Variants in CAD observed in about 807,000 individuals in gnomAD.
The protein encoded by CAD is carbamoyl-phosphate synthetase 2, aspartate transcarbamylase, and dihydroorotase.
Under a neutral mutation model 237.2 loss-of-function variants are expected in CAD, and 81 were observed. That is an observed-to-expected ratio of 0.34 (90% CI 0.29 to 0.41). CAD has a LOEUF of 0.41. Ranked by LOEUF, CAD falls within the 10% of genes least tolerant of loss-of-function variation. The pLI is 1.00. For synonymous variants in CAD, 1,196 were observed against 1,162.8 expected (o/e 1.03, Z -0.58); for missense variants, 2,181 against 2,951.7 (o/e 0.74, Z 6.05).
chr2:27,233,821 A>G lies in CAD; in HGVS notation c.3399+13A>G, dbSNP rs373951660. ...CCAGGAGGCTAAGGTGGGAGGCTGCAGACAGTGAAGTCTCTGAGGGCATGC... is the reference window on the plus strand; with the variant it reads ...CCAGGAGGCTAAGGTGGGAGGCTGCGGACAGTGAAGTCTCTGAGGGCATGC... On this transcript the variant is annotated intron_variant, in intron 21 of 43. Transcript: ENST00000264705. This position sits in a 1 kb window ranked among gnomAD's most constrained non-coding sequence, Gnocchi z 6.3. 1 of 1,612,750 alleles carries G rather than the reference A, an allele frequency of 6.2e-7. No homozygotes were observed. Among genetic ancestry groups the G allele is most frequent in the African/African-American group, 1.3e-5 (1 of 74,892 alleles).
chr2:27,242,299 C>T lies in CAD; in HGVS notation c.6097-3C>T. 6.2e-7 allele frequency: 1 copy of T among 1,602,214 alleles called. No individual in the cohort carries two copies. The highest frequency in any genetic ancestry group is 8.5e-7 in the Non-Finnish European group (1 of 1,172,766). On this transcript the variant is annotated splice_polypyrimidine_tract_variant and splice_region_variant and intron_variant, in intron 39 of 43. Transcript: ENST00000264705. The surrounding 1 kb of genome is among the most constrained non-coding windows in gnomAD (Gnocchi z 6.4). ...AAAGACAGGATTTTCCCCTTTTTTC[C>T]AGCTGGCCGCCAAGCACTGCCGGAG... is the stretch of plus-strand genomic sequence containing the variant.
Position 27,222,978 on chromosome 2 carries a change from G to T in CAD, c.750G>T (p.Gly250=), listed in dbSNP as rs1256726805. Reference sequence around the variant, plus strand: ...AGCCTAATCCCCGACCTGTCTTTGGGATCTGCCTGGGACACCAGCTATTGG... The same window carrying T: ...AGCCTAATCCCCGACCTGTCTTTGGTATCTGCCTGGGACACCAGCTATTGG... The part of the protein sequence containing the change: ...LSEPNPRPVF[G]ICLGHQLLAL... The change falls in exon 6 of 44, where the codon GGG becomes GGT. Residue 250 remains glycine (G), a synonymous_variant. Transcript: ENST00000264705. 1 of 1,614,024 alleles carries T rather than the reference G, an allele frequency of 6.2e-7. No homozygotes were observed. The highest frequency in any genetic ancestry group is 1.3e-5 in the African/African-American group (1 of 74,884).
rs1355752450 is a variant in CAD at position 27,237,897 on chromosome 2, T to C, written c.4728+15T>C. ...AGTGGATGGAGGTAGGGAGTGTGCA[T>C]GTGGCAGGAGGCCACCACCCAGTGT... On this transcript the variant is annotated intron_variant, in intron 29 of 43. Coordinates refer to ENST00000264705, the MANE Select transcript of CAD (RefSeq NM_004341.5). This position sits in a 1 kb window ranked among gnomAD's most constrained non-coding sequence, Gnocchi z 4.0. 2 of 1,594,586 alleles carry C rather than the reference T, an allele frequency of 1.3e-6. No homozygotes were observed. The highest frequency in any genetic ancestry group is 1.7e-6 in the Non-Finnish European group (2 of 1,167,724).
Position 27,241,984 on chromosome 2 carries a change from G to T in CAD, c.5957G>T (p.Arg1986Leu). The T allele has an allele frequency of 6.2e-7, 1 of 1,613,462 alleles. No homozygotes were observed. The highest frequency in any genetic ancestry group is 8.5e-7 in the Non-Finnish European group (1 of 1,180,026). ...TSSSFAAAMA[R>L]LGGAVLSFSE... ...AGCTCCTTTGCAGCAGCCATGGCCC[G>T]GCTGGGAGGTGCTGTGCTCAGCTTC... Residue 1986 changes from arginine (R) to leucine (L), a missense_variant, in exon 39 of 44, where the codon CGG becomes CTG. Physicochemically the swap from Arg to Leu is moderately radical, Grantham distance 102 (BLOSUM62 -2). Coordinates refer to ENST00000264705, the MANE Select transcript of CAD (RefSeq NM_004341.5). This position sits in a 1 kb window ranked among gnomAD's most constrained non-coding sequence, Gnocchi z 4.6.
Position 27,235,134 on chromosome 2 carries a change from T to C in CAD, c.3787-111T>C. On this transcript the variant is annotated intron_variant, in intron 23 of 43. Coordinates refer to ENST00000264705, the MANE Select transcript of CAD (RefSeq NM_004341.5). The surrounding 1 kb of genome is among the most constrained non-coding windows in gnomAD (Gnocchi z 5.2). ...AGGAGGGCACACAGAGAGGGCAGGC[T>C]GACCCTGCCATTCAGATGGGATCAA... The C allele has an allele frequency of 1.0e-6, 1 of 1,004,824 alleles. No homozygotes were observed. The highest frequency in any genetic ancestry group is 1.6e-5 in the African/African-American group (1 of 61,696). 62.2% of individuals were successfully genotyped at this position (1,004,824 alleles called of 1,614,324 possible).
chr2:27,218,974 A>G (rs1267045769), intron 2 of CAD, among the ~76,000 whole-genome samples: 1 of 152,200 alleles, frequency 6.6e-6, no homozygotes, highest in Non-Finnish European at 1.5e-5. Context: ...TCACAAACCT[A>G]CAAATACACT....
chr2:27,222,359 T>A, intron 4 of CAD, 23 bp downstream of exon 4: 1 of 1,598,738 alleles, frequency 6.3e-7, no homozygotes, highest in Non-Finnish European at 8.6e-7. Flanking sequence ...AGTGGGAGAG[T>A]GTTGCAAGCT....
Position 27,221,201 on chromosome 2 carries a change from T to C in CAD, c.223-17T>C. The C allele has an allele frequency of 6.7e-7, 1 of 1,486,606 alleles. No homozygotes were observed. The highest frequency in any genetic ancestry group is 9.0e-7 in the Non-Finnish European group (1 of 1,108,364). 92.1% of individuals were successfully genotyped at this position (1,486,606 alleles called of 1,614,324 possible). ...TAACTTGGCCTGAGGCTTCTCACAATCTCTTTCCATCTACAGTGGTTTGAA... is the reference window on the plus strand; with the variant it reads ...TAACTTGGCCTGAGGCTTCTCACAACCTCTTTCCATCTACAGTGGTTTGAA... On this transcript the variant is annotated splice_polypyrimidine_tract_variant and intron_variant, in intron 2 of 43. Transcript: ENST00000264705.
chr2:27,220,393 A>G (rs2148055662), intron 2 of CAD, among the ~76,000 whole-genome samples: 1 of 152,218 alleles, frequency 6.6e-6, no homozygotes. Context: ...CATGACTTGT[A>G]ATCCCAGCAC....
chr2:27,238,252 G>A (rs909925655), intron 30 of CAD, 65 bp downstream of exon 30: 1 of 1,576,898 alleles, frequency 6.3e-7, no homozygotes, highest in Non-Finnish European at 8.6e-7. Flanking sequence ...GGTCAGGGTA[G>A]TCCTTAGGGG....
intron 15 of CAD, among the ~76,000 whole-genome samples, chr2:27,227,220 C>T (rs1336474917): frequency 6.6e-6 from 1 of 152,130 alleles, no homozygotes; most frequent in Non-Finnish European, 1.5e-5. Flanking sequence ...GCACTTTGTG[C>T]TTTGGTCACT....
Position 27,217,952 on chromosome 2 carries a change from C to T in CAD, c.158C>T (p.Thr53Ile), listed in dbSNP as rs1296331323. 5 of 1,613,106 alleles carry T rather than the reference C, an allele frequency of 3.1e-6. No individual in the cohort carries two copies. The highest frequency in any genetic ancestry group is 2.7e-5 in the African/African-American group (2 of 74,996). The change falls in exon 2 of 44, where the codon ACC (threonine) becomes ATC (isoleucine). Residue 53 changes from threonine to isoleucine, a missense_variant. Coordinates refer to ENST00000264705, the MANE Select transcript of CAD (RefSeq NM_004341.5). ...TACAAGGCACAGATCTTAGTGCTCA[C>T]CTATCCTCTGATCGGCAACTATGGC... ...PSYKAQILVLTYPLIGNYGIP... is the reference protein window; with the variant it reads ...PSYKAQILVLIYPLIGNYGIP...
At chr2:27,225,591 CG>C in intron 11 of CAD, 113 bp from the exon 12 acceptor site, 1 of 781,966 alleles carries the variant, frequency 1.3e-6, no homozygotes, top group Non-Finnish European at 2.1e-6. Context: ...GGGTTACAGG[CG>C]TGAGCCACTA....
chr2:27,229,682 C>G (rs1180440989), intron 15 of CAD, among the ~76,000 whole-genome samples: 1 of 151,284 alleles, frequency 6.6e-6, no homozygotes, highest in African/African-American at 2.4e-5. Context: ...TTGAGACTAG[C>G]CTGGCCAATA....
intron 2 of CAD, among the ~76,000 whole-genome samples, chr2:27,219,694 A>G (rs1170507638): frequency 6.6e-6 from 1 of 151,924 alleles, no homozygotes; most frequent in Non-Finnish European, 1.5e-5. Context: ...GGTTCAAGCT[A>G]TTCTCCCACC....
rs772610849 is a variant in CAD, at chr2:27,236,324, G to C, written c.4115G>C (p.Gly1372Ala). 1 of 1,614,166 alleles carries C rather than the reference G, an allele frequency of 6.2e-7. No individual in the cohort carries two copies. Among genetic ancestry groups the C allele is most frequent in the African/African-American group, 1.3e-5 (1 of 75,054 alleles). Residue 1372 changes from glycine to alanine, a missense_variant, in exon 26 of 44, where the codon GGT becomes GCT. Physicochemically the swap from Gly to Ala is moderately conservative, Grantham distance 60. Coordinates refer to ENST00000264705, the MANE Select transcript of CAD (RefSeq NM_004341.5). The surrounding 1 kb of genome is among the most constrained non-coding windows in gnomAD (Gnocchi z 4.1). ...TGGCACTTTGAGGAGGCTGTGGATG[G>C]TGAGTGCCCACCACAGCGGAGCATC... ...VDWHFEEAVD[G>A]ECPPQRSILE... is the part of the protein sequence containing the mutation.
At position 27,234,370 on chromosome 2, in the gene CAD, A is replaced by G. The variant is rs986640170; in HGVS notation, c.3618+144A>G. 16 of 1,113,846 alleles carry G rather than the reference A, an allele frequency of 1.4e-5. No individual in the cohort carries two copies. In the South Asian group the frequency reaches 2.0e-4, roughly 14 times the overall value. The allele number at this position is 1,113,846 out of a possible 1,614,324, so 69.0% of individuals were successfully genotyped here. A position where few individuals can be genotyped will look rare whatever the true frequency, so the allele number is the denominator to read the frequency against. Reference sequence around the variant, plus strand: ...AGGGAAAGGGCTGTAGCTAGAGCTCATGGTGTTGGGGCTTATGACAGTCAG... The same window carrying G: ...AGGGAAAGGGCTGTAGCTAGAGCTCGTGGTGTTGGGGCTTATGACAGTCAG... On this transcript the variant is annotated intron_variant, in intron 22 of 43. Coordinates refer to ENST00000264705, the MANE Select transcript of CAD (RefSeq NM_004341.5).
At position 27,219,868 on chromosome 2, in the gene CAD, C is replaced by T. The variant is rs1018508146; in HGVS notation, c.223-1350C>T. On this transcript the variant is annotated intron_variant, in intron 2 of 43. Transcript: ENST00000264705. ...CCTCCCAAAGCGCTGGGATTACAGGCGTGAGCCACCGCGCCTGGCCTTTTC... is the reference window on the plus strand; with the variant it reads ...CCTCCCAAAGCGCTGGGATTACAGGTGTGAGCCACCGCGCCTGGCCTTTTC... Among the ~76,000 whole-genome samples the T allele has an allele frequency of 7.2e-5, 11 of 152,274 alleles. No homozygotes were observed. In the South Asian group the frequency reaches 1.2e-3, roughly 17 times the overall value.
Position 27,237,856 on chromosome 2 carries a change from C to A in CAD, c.4702C>A (p.Leu1568Met). 6.2e-7 allele frequency: 1 copy of A among 1,613,274 alleles called. No individual in the cohort carries two copies. The highest frequency in any genetic ancestry group is 1.1e-5 in the South Asian group (1 of 90,890). ...YLNETFSELR[L>M]DSVVQWMEHF... ...CAATGAGACCTTCTCTGAGCTGCGG[C>A]TGGACAGCGTGGTCCAGTGGATGGA... Residue 1568 changes from leucine (L) to methionine (M), a missense_variant, in exon 29 of 44, where the codon CTG (leucine) becomes ATG (methionine). Physicochemically the swap from Leu to Met is conservative, Grantham distance 15 (BLOSUM62 2). This residue lies in a region of CAD where 478 missense variants were observed against 515.0 expected (regional missense o/e 0.93). Transcript: ENST00000264705. This position sits in a 1 kb window ranked among gnomAD's most constrained non-coding sequence, Gnocchi z 4.0.
Sources: gnomAD v4.1 joint callset for allele counts (sites outside exome capture counted in the v4.1 genomes callset) on GRCh38, gnomAD v4.1.1 for gene constraint, gnomAD v4.1.1 regional missense constraint, Gnocchi (gnomAD v3.1) non-coding constraint, MANE v1.5 for transcripts, NCBI Gene and HGNC (gene_info 2026-07-23, HGNC 2026-07-21) for gene names.